CCSER1: variants seen among roughly 807,000 people sequenced by gnomAD.
The protein encoded by CCSER1 is coiled-coil serine rich protein 1, also known as serine-rich coiled-coil domain-containing protein 1.
CCSER1 carries 41 observed loss-of-function variants against 82.0 expected under a neutral mutation model. The ratio of observed to expected loss-of-function variants is 0.50; its 90% CI spans 0.39 to 0.65. The LOEUF (loss-of-function observed/expected upper bound fraction) is 0.65, where lower values mean the gene tolerates loss of function less well. Among genes scored for constraint, CCSER1 ranks in the 30% least tolerant of loss-of-function variants. The pLI is 0.00. For missense variants in CCSER1, 1,119 were observed against 1,064.2 expected (o/e 1.05, Z -0.72); for synonymous variants, 414 against 383.9 (o/e 1.08, Z -0.92).
intron 8 of CCSER1, among the ~76,000 whole-genome samples, chr4:90,851,025 A>G (rs938069274): frequency 2.0e-5 from 3 of 152,058 alleles, no homozygotes; most frequent in African/African-American, 7.2e-5. Flanking sequence ...TTCTCATGAG[A>G]TGTGATGGTT....
intron 1 of CCSER1, among the ~76,000 whole-genome samples, chr4:90,199,020 C>T (rs1275740194): frequency 2.6e-5 from 4 of 152,180 alleles, no homozygotes; most frequent in Admixed American, 2.0e-4. Flanking sequence ...ATCTCCTTAC[C>T]TGTCTGCTAT....
At chr4:90,413,036 C>A (rs1755138423) in intron 4 of CCSER1, among the ~76,000 whole-genome samples, 1 of 152,102 alleles carries the variant, frequency 6.6e-6, no homozygotes, top group Admixed American at 6.5e-5. Context: ...AAGACATGAT[C>A]ATATACCTAG....
chr4:90,753,279 G>A (rs754353901), intron 7 of CCSER1, among the ~76,000 whole-genome samples: 1 of 152,118 alleles, frequency 6.6e-6, no homozygotes, highest in Non-Finnish European at 1.5e-5. Flanking sequence ...TCTGGTGAAG[G>A]AGAATGCATA....
At chr4:91,440,718 A>C (rs1174327092) in intron 10 of CCSER1, among the ~76,000 whole-genome samples, 1 of 152,138 alleles carries the variant, frequency 6.6e-6, no homozygotes, top group Non-Finnish European at 1.5e-5. Flanking sequence ...TTGATAGACC[A>C]CTAGCAAGAC....
intron 4 of CCSER1, among the ~76,000 whole-genome samples, chr4:90,404,810 G>C (rs1753469234): frequency 6.6e-6 from 1 of 152,150 alleles, no homozygotes; most frequent in African/African-American, 2.4e-5. Flanking sequence ...CTAGGGGAAG[G>C]GGGAGAGTAC....
At chr4:91,129,307 A>G (rs771964316) in intron 10 of CCSER1, among the ~76,000 whole-genome samples, 1 of 151,974 alleles carries the variant, frequency 6.6e-6, no homozygotes, top group Non-Finnish European at 1.5e-5. Context: ...CCATAAACCC[A>G]CTCAGAAATG....
chr4:90,333,482 CAG>C (rs760927086), intron 3 of CCSER1, among the ~76,000 whole-genome samples: 5 of 151,874 alleles, frequency 3.3e-5, no homozygotes, highest in East Asian at 3.9e-4. Context: ...AAAAAACAAA[CAG>C]AAATTCAGCA....
At chr4:90,589,319 A>AT (rs1003787769) in intron 5 of CCSER1, among the ~76,000 whole-genome samples, 2 of 151,984 alleles carry the variant, frequency 1.3e-5, no homozygotes, top group Admixed American at 6.6e-5. Context: ...GGTGTTTATA[A>AT]TTTTTTTGTT....
chr4:90,754,728 A>G (rs1485354056), intron 7 of CCSER1, among the ~76,000 whole-genome samples: 2 of 152,222 alleles, frequency 1.3e-5, no homozygotes, highest in African/African-American at 4.8e-5. Context: ...TTTTGCTAGC[A>G]TTTTTAGTAC....
intron 10 of CCSER1, among the ~76,000 whole-genome samples, chr4:91,273,819 C>T (rs576638381): frequency 6.6e-6 from 1 of 152,086 alleles, no homozygotes; most frequent in Admixed American, 6.5e-5. Flanking sequence ...TAAAAGGATG[C>T]TAGATTTTGT....
chr4:90,441,738 G>A (rs368166665), intron 4 of CCSER1, among the ~76,000 whole-genome samples: 3 of 152,206 alleles, frequency 2.0e-5, no homozygotes, highest in African/African-American at 7.2e-5. Flanking sequence ...GGGTCCACAA[G>A]TACCTCGTGT....
chr4:90,817,161 T>A (rs1190198447), intron 8 of CCSER1, among the ~76,000 whole-genome samples: 1 of 152,150 alleles, frequency 6.6e-6, no homozygotes, highest in Non-Finnish European at 1.5e-5. Flanking sequence ...TATCTAATAA[T>A]GCTTTTTTAC....
At chr4:90,542,517 A>T (rs1176684317) in intron 5 of CCSER1, among the ~76,000 whole-genome samples, 1 of 152,128 alleles carries the variant, frequency 6.6e-6, no homozygotes, top group East Asian at 1.9e-4. Context: ...GATGCAAATA[A>T]GGTTCAGTCA....
intron 6 of CCSER1, among the ~76,000 whole-genome samples, chr4:90,718,737 A>T (rs1436486979): frequency 2.0e-5 from 3 of 152,176 alleles, no homozygotes; most frequent in Admixed American, 1.3e-4. Flanking sequence ...ATGTATTATA[A>T]CAATAAATAG....
chr4:91,126,210 G>T (rs1164733058), intron 10 of CCSER1, among the ~76,000 whole-genome samples: 1 of 151,778 alleles, frequency 6.6e-6, no homozygotes, highest in Non-Finnish European at 1.5e-5. Flanking sequence ...AACAACTAAA[G>T]ATGCCTCTGT....
rs987781514 is a variant in CCSER1, at chr4:90,170,991, G to A, written c.-42+43160G>A. ...ATTATACATTTAAAAACAACTGAAA[G>A]AATATAATTAGATTGTAACTCAAAG... On this transcript the variant is annotated intron_variant, in intron 1 of 10. Transcript: ENST00000509176. Among the ~76,000 whole-genome samples the A allele has an allele frequency of 4.0e-5, 6 of 151,810 alleles. No individual in the cohort carries two copies. In the East Asian group the frequency reaches 5.8e-4, roughly 15 times the overall value.
intron 1 of CCSER1, among the ~76,000 whole-genome samples, chr4:90,286,884 A>C (rs1420001704): frequency 6.6e-6 from 1 of 151,986 alleles, no homozygotes; most frequent in Non-Finnish European, 1.5e-5. Flanking sequence ...TTAAACTGCT[A>C]CAAAGAGGTG....
At chr4:91,537,752 C>T (rs1484763079) in intron 10 of CCSER1, among the ~76,000 whole-genome samples, 2 of 151,740 alleles carry the variant, frequency 1.3e-5, no homozygotes, top group African/African-American at 4.8e-5. Flanking sequence ...AGCTTTACAT[C>T]CCATAGCAAT....
Position 90,460,324 on chromosome 4 carries a change from CAAAAA to C in CCSER1, c.1604-7893_1604-7889del, listed in dbSNP as rs751331396. Among the ~76,000 whole-genome samples the C allele has an allele frequency of 5.7e-3, 187 of 32,648 alleles. 13 individuals carry two copies. Among genetic ancestry groups the C allele is most frequent in the African/African-American group, 0.025 (174 of 6,892 alleles). The allele number at this position is 32,648 out of a possible 152,430, so 21.4% of individuals were successfully genotyped here. ...TGGGCGACAGAGCGAAACTCCGTCT[CAAAAA>C]AAAAAAAAAAAAAAAACTAAGGCAA... On this transcript the variant is annotated intron_variant, in intron 4 of 10. Transcript: ENST00000509176.
Sources: gnomAD v4.1 joint callset for allele counts (sites outside exome capture counted in the v4.1 genomes callset) on GRCh38, gnomAD v4.1.1 for gene constraint, MANE v1.5 for transcripts, NCBI Gene and HGNC (gene_info 2026-07-23, HGNC 2026-07-21) for gene names.